The following PRAG1 variants were observed in gnomAD, a reference collection of about 807,000 sequenced individuals.
PRAG1 encodes PEAK1 related, kinase-activating pseudokinase 1, also known as inactive tyrosine-protein kinase PRAG1.
In PRAG1, 110 loss-of-function variants were observed where a neutral mutation model predicts 95.6. That is an observed-to-expected ratio of 1.15 (90% CI 0.99 to 1.35). PRAG1 has a LOEUF of 1.35. PRAG1 is among the 40% of genes most tolerant of loss of function. The probability of loss-of-function intolerance (pLI) is 0.00; values close to 1 mark genes in which losing one functional copy is unlikely to be tolerated. For synonymous variants in PRAG1, 1,052 were observed against 819.4 expected (o/e 1.28, Z -4.85); for missense variants, 2,554 against 1,864.7 (o/e 1.37, Z -6.81).
chr8:8,377,003 T>C lies in PRAG1; in HGVS notation c.1406A>G (p.Gln469Arg). The change falls in exon 3 of 6, where the codon CAG becomes CGG. Residue 469 changes from glutamine to arginine, a missense_variant. Physicochemically the swap from Gln to Arg is conservative, Grantham distance 43. Coordinates refer to ENST00000615670, the MANE Select transcript of PRAG1 (RefSeq NM_001080826.3). The stretch of plus-strand genomic sequence containing the variant: ...CATGACTGTGATGGTGGCTGACACC[T>C]GGGGAGTTGGGTCTGGGCTGTCCCG... The part of the protein sequence containing the change: ...WGRDSPDPTP[Q>R]VSATITVMAA... 1 of 1,613,806 alleles carries C rather than the reference T, an allele frequency of 6.2e-7. No individual in the cohort carries two copies. The highest frequency in any genetic ancestry group is 8.5e-7 in the Non-Finnish European group (1 of 1,179,940).
At chr8:8,326,529 A>G (rs1245356825) in intron 5 of PRAG1, among the ~76,000 whole-genome samples, 2 of 152,176 alleles carry the variant, frequency 1.3e-5, no homozygotes, top group Admixed American at 1.3e-4. Flanking sequence ...GAAGATGACA[A>G]ATAGGGCCAC....
intron 2 of PRAG1, among the ~76,000 whole-genome samples, chr8:8,379,334 C>T (rs1800555840): frequency 6.6e-6 from 1 of 152,196 alleles, no homozygotes; most frequent in Non-Finnish European, 1.5e-5. Context: ...GTCACCGTTT[C>T]CTCCTCCTTC....
At position 8,319,038 on chromosome 8, in the gene PRAG1, C is replaced by T. The variant is rs12549973; in HGVS notation, c.3337G>A (p.Ala1113Thr). Residue 1113 changes from alanine (A) to threonine (T), a missense_variant, in exon 6 of 6, where the codon GCG becomes ACG. Ala to Thr is a moderately conservative substitution (Grantham distance 58, BLOSUM62 0). Coordinates refer to ENST00000615670, the MANE Select transcript of PRAG1 (RefSeq NM_001080826.3). ...CGCCGCTCGTACGCCTCGGGCTCCG[C>T]CTGGTGGCTGGCCGCCGAGTCCCGC... ...FVRDSAASHQ[A>T]EPEAYERRVC... The T allele has an allele frequency of 0.29, 469,143 of 1,612,752 alleles. 72,782 individuals are homozygous for T. Among genetic ancestry groups the T allele is most frequent in the East Asian group, 0.56 (24,998 of 44,836 alleles).
Position 8,376,832 on chromosome 8 carries a change from C to A in PRAG1, c.1577G>T (p.Arg526Met). ...GCTGGCACTGTGAGCATGGCTTTCC[C>A]TGGAGCTCAGCCCCTGCCCAGCCGA... Reference protein sequence around the residue: ...ETSAGQGLSSRESHAHSASES... With the variant: ...ETSAGQGLSSMESHAHSASES... The change falls in exon 3 of 6, where the codon AGG becomes ATG. Residue 526 changes from arginine (R) to methionine (M), a missense_variant. Physicochemically the swap from Arg to Met is moderately conservative, Grantham distance 91. Coordinates refer to ENST00000615670, the MANE Select transcript of PRAG1 (RefSeq NM_001080826.3). 6.2e-7 allele frequency: 1 copy of A among 1,612,654 alleles called. No homozygotes were observed. Among genetic ancestry groups the A allele is most frequent in the South Asian group, 1.1e-5 (1 of 91,070 alleles).
intron 1 of PRAG1, among the ~76,000 whole-genome samples, chr8:8,382,434 T>C (rs999655432): frequency 1.3e-5 from 2 of 152,192 alleles, no homozygotes; most frequent in Non-Finnish European, 2.9e-5. Context: ...CTCTAGACCT[T>C]ATGCAGAGTC....
At chr8:8,352,124 C>G (rs1799541205) in intron 3 of PRAG1, among the ~76,000 whole-genome samples, 1 of 152,132 alleles carries the variant, frequency 6.6e-6, no homozygotes, top group South Asian at 2.1e-4. Context: ...TTATACTAGA[C>G]TTCATTTCTA....
At position 8,378,161 on chromosome 8, in the gene PRAG1, C is replaced by G; in HGVS notation, c.331-83G>C. The G allele has an allele frequency of 2.1e-6, 3 of 1,451,468 alleles. No homozygotes were observed. The South Asian group carries it at 4.1e-5, about 20-fold the overall frequency. The allele number at this position is 1,451,468 out of a possible 1,614,324, so 89.9% of individuals were successfully genotyped here. A position where few individuals can be genotyped will look rare whatever the true frequency, so the allele number is the denominator to read the frequency against. On this transcript the variant is annotated intron_variant, in intron 2 of 5. Transcript: ENST00000615670. ...AGAGAGGAAAAGTGAGAGGGAAGGGCAACGATACTGTAGAATGTCTTCTGT... is the reference window on the plus strand; with the variant it reads ...AGAGAGGAAAAGTGAGAGGGAAGGGGAACGATACTGTAGAATGTCTTCTGT...
intron 3 of PRAG1, among the ~76,000 whole-genome samples, chr8:8,343,972 T>A (rs1280387730): frequency 6.6e-6 from 1 of 152,016 alleles, no homozygotes; most frequent in Non-Finnish European, 1.5e-5. Context: ...TAACATAATG[T>A]ATTCAAAATA....
At position 8,376,479 on chromosome 8, in the gene PRAG1, C is replaced by T. The variant is rs1487661328; in HGVS notation, c.1930G>A (p.Glu644Lys). ...SRQCRIEEEE[E>K]VEQELLSHSW... The stretch of plus-strand genomic sequence containing the variant: ...TGACTCAGCAATTCCTGCTCCACCT[C>T]CTCTTCTTCCTCTATCCGGCACTGA... The change falls in exon 3 of 6, where the codon GAG (glutamate) becomes AAG (lysine). Residue 644 changes from glutamate to lysine, a missense_variant. Coordinates refer to ENST00000615670, the MANE Select transcript of PRAG1 (RefSeq NM_001080826.3). 6.2e-7 allele frequency: 1 copy of T among 1,613,688 alleles called. No individual in the cohort carries two copies. The highest frequency in any genetic ancestry group is 8.5e-7 in the Non-Finnish European group (1 of 1,179,706).
At chr8:8,343,755 T>C (rs555273927) in intron 3 of PRAG1, among the ~76,000 whole-genome samples, 156 of 152,306 alleles carry the variant, frequency 1.0e-3, no homozygotes, top group African/African-American at 3.6e-3. Context: ...AAAGCCACCA[T>C]AGAAATTAGT....
chr8:8,320,596 C>T (rs1220107410), intron 5 of PRAG1, among the ~76,000 whole-genome samples: 1 of 152,174 alleles, frequency 6.6e-6, no homozygotes, highest in Non-Finnish European at 1.5e-5. Flanking sequence ...CAACCTCACC[C>T]AGGCTTTGTA....
chr8:8,385,875 C>T (rs1213110725), intron 1 of PRAG1, among the ~76,000 whole-genome samples: 1 of 152,006 alleles, frequency 6.6e-6, no homozygotes, highest in Non-Finnish European at 1.5e-5. Flanking sequence ...ATACCCTGCA[C>T]CCCCAAACCA....
At chr8:8,357,561 G>A (rs1799720416) in intron 3 of PRAG1, among the ~76,000 whole-genome samples, 1 of 152,198 alleles carries the variant, frequency 6.6e-6, no homozygotes, top group African/African-American at 2.4e-5. Flanking sequence ...CACATGTGGA[G>A]AAATTGGAAC....
Position 8,381,733 on chromosome 8 carries a change from G to C in PRAG1, c.15C>G (p.Leu5=), listed in dbSNP as rs1800681024. MHQT[L]CLNPESLKMS... is the part of the protein sequence containing the mutation. ...TTTTCAGGCTCTCGGGGTTCAGGCA[G>C]AGGGTCTGGTGCATCTTGAGCCGAC... is the stretch of plus-strand genomic sequence containing the variant. The change falls in exon 2 of 6, where the codon CTC becomes CTG. Residue 5 remains leucine (L), a synonymous_variant. Transcript: ENST00000615670. The C allele has an allele frequency of 6.3e-7, 1 of 1,594,794 alleles. No homozygotes were observed. Among genetic ancestry groups the C allele is most frequent in the Non-Finnish European group, 8.6e-7 (1 of 1,167,208 alleles).
At chr8:8,336,794 C>T (rs1022767350) in intron 4 of PRAG1, among the ~76,000 whole-genome samples, 8 of 151,866 alleles carry the variant, frequency 5.3e-5, no homozygotes, top group African/African-American at 1.9e-4. Context: ...CATTTTGCCA[C>T]TGAAACATTT....
rs761501061 is a variant in PRAG1, at chr8:8,328,101, G to A, written c.2681C>T (p.Pro894Leu). 4.0e-5 allele frequency: 64 copies of A among 1,611,776 alleles called. 1 individual carries two copies. The Middle Eastern group carries it at 4.9e-4, about 12-fold the overall frequency. Reference sequence around the variant, plus strand: ...TCTGTTGCCCGCCAGCCCTGCTGCCGGAAGCCAGTGGCCACTGCCTTTGAA... The same window carrying A: ...TCTGTTGCCCGCCAGCCCTGCTGCCAGAAGCCAGTGGCCACTGCCTTTGAA... ...KAFKGSGHWL[P>L]AAGLAGNRGG... The change falls in exon 5 of 6, where the codon CCG (proline) becomes CTG (leucine). Residue 894 changes from proline (P) to leucine (L), a missense_variant. By Grantham distance (98) the Pro-to-Leu change is moderately conservative (BLOSUM62 -3). Transcript: ENST00000615670.
chr8:8,334,006 G>T lies in PRAG1; in HGVS notation c.2320+5472C>A, dbSNP rs184626832. Among the ~76,000 whole-genome samples the T allele has an allele frequency of 1.6e-4, 25 of 152,328 alleles. No homozygotes were observed. In the East Asian group the frequency reaches 4.1e-3, roughly 25 times the overall value. On this transcript the variant is annotated intron_variant, in intron 4 of 5. Coordinates refer to ENST00000615670, the MANE Select transcript of PRAG1 (RefSeq NM_001080826.3). Reference sequence around the variant, plus strand: ...CTGCCAACCCCCATTAACTATTCCTGCATCAGAGAGGATGAAGGGTGGGGC... The same window carrying T: ...CTGCCAACCCCCATTAACTATTCCTTCATCAGAGAGGATGAAGGGTGGGGC...
chr8:8,370,998 C>G (rs1051321953), intron 3 of PRAG1, among the ~76,000 whole-genome samples: 12 of 151,790 alleles, frequency 7.9e-5, no homozygotes, highest in African/African-American at 2.9e-4. Flanking sequence ...ATTAGCCATG[C>G]GTGGTGGCGC....
intron 2 of PRAG1, among the ~76,000 whole-genome samples, chr8:8,379,203 A>T (rs549193447): frequency 6.6e-6 from 1 of 152,262 alleles, no homozygotes; most frequent in African/African-American, 2.4e-5. Flanking sequence ...CTTTGCTTCC[A>T]ACTATGCCAG....
Sources: allele counts gnomAD v4.1 joint callset (sites outside exome capture counted in the v4.1 genomes callset), GRCh38; gene constraint gnomAD v4.1.1; transcripts MANE v1.5; gene names NCBI Gene and HGNC (gene_info 2026-07-23, HGNC 2026-07-21).